Variants in EP400 observed in about 807,000 individuals in gnomAD.
EP400 encodes the protein E1A binding protein p400, also known as E1A-binding protein p400.
A neutral mutation model predicts 354.1 loss-of-function variants in EP400; 105 were observed. That is an observed-to-expected ratio of 0.30 (90% CI 0.25 to 0.35). The LOEUF (loss-of-function observed/expected upper bound fraction) is 0.35. Among genes scored for constraint, EP400 ranks in the 10% least tolerant of loss-of-function variants. The probability of loss-of-function intolerance (pLI) is 1.00; values close to 1 mark genes in which losing one functional copy is unlikely to be tolerated. For missense variants in EP400, 3,280 were observed against 4,121.0 expected, an observed-to-expected ratio of 0.80 and a Z score of 5.59; for synonymous variants, 1,646 against 1,716.9, an observed-to-expected ratio of 0.96 and a Z score of 1.02.
intron 7 of EP400, among the ~76,000 whole-genome samples, chr12:131,988,961 G>T (rs1362571528): frequency 2.0e-5 from 3 of 152,160 alleles, no homozygotes; most frequent in Non-Finnish European, 4.4e-5. Context: ...GAGGGTCAAG[G>T]GTCTCAAGTC....
intron 41 of EP400, among the ~76,000 whole-genome samples, chr12:132,051,696 C>T (rs1895295357): frequency 6.6e-6 from 1 of 152,202 alleles, no homozygotes; most frequent in Admixed American, 6.5e-5. Context: ...AGTGTGACCA[C>T]TGAAGCACAG....
intron 30 of EP400, 103 bp from the exon 31 acceptor site, chr12:132,037,579 A>G: frequency 1.1e-6 from 1 of 871,838 alleles, no homozygotes; most frequent in Non-Finnish European, 1.9e-6. Context: ...GGGTAGCTGG[A>G]GGAGGGACGT....
chr12:132,050,761 G>A lies in EP400; in HGVS notation c.7394+106G>A. 1 of 1,393,522 alleles carries A rather than the reference G, an allele frequency of 7.2e-7. No individual in the cohort carries two copies. Among genetic ancestry groups the A allele is most frequent in the South Asian group, 1.2e-5 (1 of 85,580 alleles). 86.3% of individuals were successfully genotyped at this position (1,393,522 alleles called of 1,614,324 possible). A position where few individuals can be genotyped will look rare whatever the true frequency, so the allele number is the denominator to read the frequency against. ...AATCGTTGTGCACTTAGCGTGTTCA[G>A]GCATCAGCTGGACGTGGCAGTGCGC... On this transcript the variant is annotated intron_variant, in intron 41 of 52. Transcript: ENST00000389561. This position sits in a 1 kb window ranked among gnomAD's most constrained non-coding sequence, Gnocchi z 4.8.
rs144563711 is a variant in EP400 at position 131,962,990 on chromosome 12, GA to G, written c.1335+1037del. On this transcript the variant is annotated intron_variant, in intron 2 of 52. Transcript: ENST00000389561. Reference sequence around the variant, plus strand: ...TGTTTTCTTTTAACACCTTTTCCAGGATGGACCATATTTGTTTTTCAACAGG... The same window carrying G: ...TGTTTTCTTTTAACACCTTTTCCAGGTGGACCATATTTGTTTTTCAACAGG... Among the ~76,000 whole-genome samples the G allele has an allele frequency of 5.1e-4, 77 of 152,284 alleles. No individual in the cohort carries two copies. The East Asian group carries it at 0.013, about 25-fold the overall frequency.
Position 132,020,297 on chromosome 12 carries a change from C to G in EP400, c.4447+79C>G. 6 of 1,463,884 alleles carry G rather than the reference C, an allele frequency of 4.1e-6. No homozygotes were observed. In the South Asian group the frequency reaches 8.4e-5, roughly 21 times the overall value. The allele number at this position is 1,463,884 out of a possible 1,614,324, so 90.7% of individuals were successfully genotyped here. A position where few individuals can be genotyped will look rare whatever the true frequency, so the allele number is the denominator to read the frequency against. On this transcript the variant is annotated intron_variant, in intron 22 of 52. Coordinates refer to ENST00000389561, the MANE Select transcript of EP400 (RefSeq NM_015409.5). ...AGTTCATGGCACTTTCTTCTCGCGC[C>G]TCTGGATGCGGTAATTGTCCCTGAG... is the stretch of plus-strand genomic sequence containing the variant.
At chr12:131,982,632 G>A (rs1333141449) in intron 5 of EP400, among the ~76,000 whole-genome samples, 154 bp downstream of exon 5, 2 of 152,158 alleles carry the variant, frequency 1.3e-5, no homozygotes, top group African/African-American at 4.8e-5. Context: ...TTCAGTACTT[G>A]CAATACAGTT....
intron 21 of EP400, among the ~76,000 whole-genome samples, chr12:132,019,211 TA>T (rs909680589): frequency 1.3e-5 from 2 of 152,190 alleles, no homozygotes; most frequent in African/African-American, 4.8e-5. Flanking sequence ...AAAAAGTTTA[TA>T]AAAGTTTTTA....
chr12:132,007,950 G>C (rs1159728379), intron 15 of EP400, among the ~76,000 whole-genome samples: 2 of 11,478 alleles, frequency 1.7e-4, no homozygotes, highest in African/African-American at 1.5e-3. Flanking sequence ...TCCAGCGAGG[G>C]TTCTTTTTTT....
chr12:132,045,085 TC>T, intron 37 of EP400, 132 bp downstream of exon 37: 1 of 1,394,176 alleles, frequency 7.2e-7, no homozygotes, highest in Non-Finnish European at 9.6e-7. Context: ...CACACGCCCA[TC>T]CGCTGCCTCT....
At chr12:132,040,651 T>TA (rs2136571450) in intron 32 of EP400, among the ~76,000 whole-genome samples, 1 of 152,338 alleles carries the variant, frequency 6.6e-6, no homozygotes, top group South Asian at 2.1e-4. Flanking sequence ...TTTATTCTAG[T>TA]AAGGAGAGAG....
At chr12:131,993,573 A>G (rs79318626) in intron 11 of EP400, among the ~76,000 whole-genome samples, 2,184 of 152,300 alleles carry the variant, frequency 0.014, 49 homozygotes, top group African/African-American at 0.05. Context: ...ACATTTGTGT[A>G]CAGTCATGTG....
rs1303203492 is a variant in EP400, at chr12:131,998,694, T to C, written c.2827+3738T>C. On this transcript the variant is annotated intron_variant, in intron 12 of 52. Coordinates refer to ENST00000389561, the MANE Select transcript of EP400 (RefSeq NM_015409.5). ...TATACAGTCTTGTATACAAAGACTT[T>C]GTATACAGTCTTGTATACAAAGACT... is the stretch of plus-strand genomic sequence containing the variant. Among the ~76,000 whole-genome samples the C allele has an allele frequency of 1.3e-4, 16 of 119,814 alleles. No individual in the cohort carries two copies. The East Asian group carries it at 3.9e-3, about 29-fold the overall frequency. 78.6% of individuals were successfully genotyped at this position (119,814 alleles called of 152,430 possible).
chr12:132,054,586 A>T lies in EP400; in HGVS notation c.7729-388A>T, dbSNP rs535313531. Among the ~76,000 whole-genome samples the T allele has an allele frequency of 6.6e-6, 1 of 152,322 alleles. No homozygotes were observed. The highest frequency in any genetic ancestry group is 1.9e-4 in the East Asian group (1 of 5,188). ...TGAATGACAAGGAGTTGGTCATAAG[A>T]AGAACAAAACAGCAAGTACAGAGGC... On this transcript the variant is annotated intron_variant, in intron 43 of 52. Transcript: ENST00000389561. The surrounding 1 kb of genome is among the most constrained non-coding windows in gnomAD (Gnocchi z 4.0).
At position 131,982,148 on chromosome 12, in the gene EP400, G is replaced by A. The variant is rs1892702619; in HGVS notation, c.1599G>A (p.Gln533=). 1.3e-6 allele frequency: 2 copies of A among 1,591,908 alleles called. No homozygotes were observed. The highest frequency in any genetic ancestry group is 1.7e-6 in the Non-Finnish European group (2 of 1,165,030). ...AAQLAGQRQS[Q]QQYDPSTGPP... ...AGCTCGCTGGACAGAGGCAGAGTCAGCAGCAGTATGACCCCTCCACGGGGC... is the reference window on the plus strand; with the variant it reads ...AGCTCGCTGGACAGAGGCAGAGTCAACAGCAGTATGACCCCTCCACGGGGC... Residue 533 remains glutamine, a synonymous_variant, in exon 5 of 53, where the codon CAG becomes CAA. Coordinates refer to ENST00000389561, the MANE Select transcript of EP400 (RefSeq NM_015409.5).
Position 132,036,231 on chromosome 12 carries a change from A to G in EP400, c.5952-1451A>G, listed in dbSNP as rs542693242. 1.0e-4 allele frequency among the ~76,000 whole-genome samples: 12 copies of G among 115,564 alleles called. No homozygotes were observed. In the South Asian group the frequency reaches 1.2e-3, roughly 12 times the overall value. 75.8% of individuals were successfully genotyped at this position (115,564 alleles called of 152,430 possible). On this transcript the variant is annotated intron_variant, in intron 30 of 52. Coordinates refer to ENST00000389561, the MANE Select transcript of EP400 (RefSeq NM_015409.5). ...CACAGCCAGGTTCACGCGGAACGTC[A>G]TGGAAGGACACACCCAGGTTCACAC...
rs1282840164 is a variant in EP400, at chr12:132,037,688, G to C, written c.5958G>C (p.Val1986=). ...RCKDIHIYRL[V]SGNSIEEKLL... ...TTACATCTTTTGTTTGCAGGCTTGT[G>C]AGTGGCAATTCCATTGAAGAGAAAT... Residue 1986 remains valine (V), a synonymous_variant, in exon 31 of 53, where the codon GTG becomes GTC. Transcript: ENST00000389561. 2 of 1,614,004 alleles carry C rather than the reference G, an allele frequency of 1.2e-6. No individual in the cohort carries two copies. The highest frequency in any genetic ancestry group is 2.7e-5 in the African/African-American group (2 of 74,938).
rs894524693 is a variant in EP400, at chr12:132,053,418, C to T, written c.7549C>T (p.Pro2517Ser). ...PPPPQPQPPP[P>S]PQQPPPPLPQ... ...CCCGCCCCAGCCGCAGCCCCCACCACCCCCGCAGCAGCCACCGCCACCGCT... is the reference window on the plus strand; with the variant it reads ...CCCGCCCCAGCCGCAGCCCCCACCATCCCCGCAGCAGCCACCGCCACCGCT... Residue 2517 changes from proline to serine, a missense_variant, in exon 43 of 53, where the codon CCC becomes TCC. This residue lies in a region of EP400 where 255 missense variants were observed against 295.9 expected (regional missense o/e 0.86). Coordinates refer to ENST00000389561, the MANE Select transcript of EP400 (RefSeq NM_015409.5). The T allele has an allele frequency of 9.8e-6, 15 of 1,527,092 alleles. No homozygotes were observed. The highest frequency in any genetic ancestry group is 1.4e-5 in the African/African-American group (1 of 72,310). 94.6% of individuals were successfully genotyped at this position (1,527,092 alleles called of 1,614,324 possible).
intron 10 of EP400, 78 bp from the exon 11 acceptor site, chr12:131,992,095 C>T: frequency 6.6e-7 from 1 of 1,512,332 alleles, no homozygotes; most frequent in Non-Finnish European, 9.1e-7. Context: ...CCAACCTGTC[C>T]CATGGACACT....
In EP400 at chr12:132,078,818, G is replaced by C. The variant is rs938669305; in HGVS notation, c.*1145G>C. 1.6e-4 allele frequency: 24 copies of C among 152,240 alleles called. No homozygotes were observed. Among genetic ancestry groups the C allele is most frequent in the African/African-American group, 5.5e-4 (23 of 41,462 alleles). The allele number at this position is 152,240 out of a possible 1,614,324, so 9.4% of individuals were successfully genotyped here. A position where few individuals can be genotyped will look rare whatever the true frequency, so the allele number is the denominator to read the frequency against. On this transcript the variant is annotated 3_prime_UTR_variant, in exon 53 of 53. Coordinates refer to ENST00000389561, the MANE Select transcript of EP400 (RefSeq NM_015409.5). ...GAGAACCACCTGTGCTGTTGTGGAA[G>C]GCGTGCCGTTGAGGGGGAAAACGAA...
Sources: allele counts gnomAD v4.1 joint callset (sites outside exome capture counted in the v4.1 genomes callset), GRCh38; gene constraint gnomAD v4.1.1; regional missense constraint gnomAD v4.1.1; non-coding constraint Gnocchi (gnomAD v3.1); transcripts MANE v1.5; gene names NCBI Gene and HGNC (gene_info 2026-07-23, HGNC 2026-07-21).